The following HYCC1 variants were observed in gnomAD, a reference collection of about 807,000 sequenced individuals.
The protein encoded by HYCC1 is hyccin PI4KA lipid kinase complex subunit 1.
the HYCC1 span, among the ~76,000 whole-genome samples, chr7:23,010,471 G>A: frequency 1.3e-5 from 2 of 152,140 alleles, no homozygotes; most frequent in African/African-American, 2.4e-5. Context: ...AAGTATCAAT[G>A]CAAGTAATCA....
the HYCC1 span, among the ~76,000 whole-genome samples, chr7:22,969,854 T>G: frequency 6.6e-6 from 1 of 152,134 alleles, no homozygotes; most frequent in Non-Finnish European, 1.5e-5. Flanking sequence ...GATGTAGATA[T>G]CAGTTGGTTG....
At chr7:22,940,881 G>A in the HYCC1 span, 1 of 149,922 alleles carries the variant, frequency 6.7e-6, no homozygotes, top group South Asian at 2.1e-4. Flanking sequence ...TCAAATTCCT[G>A]GGCTCGAGTG....
At chr7:22,999,557 G>A in the HYCC1 span, among the ~76,000 whole-genome samples, 1 of 152,182 alleles carries the variant, frequency 6.6e-6, no homozygotes, top group Non-Finnish European at 1.5e-5. Context: ...TGAACAGGAT[G>A]TCAAGTCGAC....
At chr7:22,982,025 A>C in the HYCC1 span, among the ~76,000 whole-genome samples, 1 of 152,358 alleles carries the variant, frequency 6.6e-6, no homozygotes, top group Non-Finnish European at 1.5e-5. Context: ...CACTTTCCAA[A>C]GTAGCCTAGT....
At chr7:22,943,343 C>T in the HYCC1 span, 1 of 152,178 alleles carries the variant, frequency 6.6e-6, no homozygotes, top group Non-Finnish European at 1.5e-5. Context: ...TTTGTTTGCA[C>T]TCTGATACTT....
At chr7:22,975,756 G>A in the HYCC1 span, among the ~76,000 whole-genome samples, 3 of 151,978 alleles carry the variant, frequency 2.0e-5, no homozygotes, top group South Asian at 2.1e-4. Flanking sequence ...CTGCTCTATC[G>A]CCCAGACTGG....
chr7:22,898,604 CT>C, the HYCC1 span, among the ~76,000 whole-genome samples: 71 of 39,822 alleles, frequency 1.8e-3, no homozygotes, highest in Non-Finnish European at 2.1e-3. Flanking sequence ...CTTTTCTTTT[CT>C]TTTTTTTTTT....
chr7:22,991,799 T>C, the HYCC1 span, among the ~76,000 whole-genome samples: 1 of 152,134 alleles, frequency 6.6e-6, no homozygotes, highest in African/African-American at 2.4e-5. Context: ...TATCCATTTG[T>C]ATGGGAGTAG....
At chr7:22,982,050 T>C in the HYCC1 span, among the ~76,000 whole-genome samples, 1 of 152,188 alleles carries the variant, frequency 6.6e-6, no homozygotes, top group South Asian at 2.1e-4. Context: ...ACATACTTCA[T>C]GACAGAATAA....
At chr7:23,010,885 G>C in the HYCC1 span, among the ~76,000 whole-genome samples, 1 of 152,074 alleles carries the variant, frequency 6.6e-6, no homozygotes, top group African/African-American at 2.4e-5. Context: ...CAGTTCTCTT[G>C]AAAAGTCTCA....
chr7:23,000,375 CCTAT>C, the HYCC1 span, among the ~76,000 whole-genome samples: 2 of 151,810 alleles, frequency 1.3e-5, no homozygotes, highest in African/African-American at 4.8e-5. Flanking sequence ...TAGATAGGTA[CCTAT>C]CTATATCTAT....
the HYCC1 span, among the ~76,000 whole-genome samples, chr7:22,926,776 A>C: frequency 2.0e-5 from 3 of 151,504 alleles, no homozygotes; most frequent in African/African-American, 7.3e-5. Context: ...CAGATCAACG[A>C]GACAGAAAGT....
At chr7:22,907,582 T>C in the HYCC1 span, among the ~76,000 whole-genome samples, 3 of 152,178 alleles carry the variant, frequency 2.0e-5, no homozygotes, top group African/African-American at 7.2e-5. Flanking sequence ...TTTTGAAGGA[T>C]TCATAGGTAG....
the HYCC1 span, among the ~76,000 whole-genome samples, chr7:22,969,689 AATTTTTGT>A: frequency 1.3e-4 from 19 of 150,172 alleles, no homozygotes; most frequent in African/African-American, 4.7e-4. Context: ...TACATCTGGC[AATTTTTGT>A]ATTTTTAGTA....
chr7:22,952,293 C>G, the HYCC1 span, among the ~76,000 whole-genome samples: 2 of 151,908 alleles, frequency 1.3e-5, no homozygotes, highest in Admixed American at 1.3e-4. Flanking sequence ...GATGGGTGGT[C>G]TGGGAAAACC....
chr7:23,005,147 C>T, the HYCC1 span, among the ~76,000 whole-genome samples: 1 of 152,146 alleles, frequency 6.6e-6, no homozygotes, highest in Admixed American at 6.5e-5. Context: ...CACCTATATT[C>T]CTCTTATAAG....
chr7:22,932,353 T>C, the HYCC1 span, among the ~76,000 whole-genome samples: 1 of 152,180 alleles, frequency 6.6e-6, no homozygotes, highest in East Asian at 1.9e-4. Context: ...GGGGTCATTA[T>C]TGCTGCAGCC....
chr7:22,975,561 T>C, the HYCC1 span, among the ~76,000 whole-genome samples: 1 of 152,156 alleles, frequency 6.6e-6, no homozygotes, highest in Non-Finnish European at 1.5e-5. Context: ...AATAAATAAA[T>C]GCAAACAAAA....
At chr7:23,002,069 A>C in the HYCC1 span, among the ~76,000 whole-genome samples, 1 of 149,824 alleles carries the variant, frequency 6.7e-6, no homozygotes. Context: ...ATAAAAATTG[A>C]CTGAACACAG....
Sources: allele counts gnomAD v4.1 joint callset (sites outside exome capture counted in the v4.1 genomes callset), GRCh38; gene constraint gnomAD v4.1.1; transcripts MANE v1.5; gene names NCBI Gene and HGNC (gene_info 2026-07-23, HGNC 2026-07-21).